DRICH1: variants seen among roughly 807,000 people sequenced by gnomAD.
The protein encoded by DRICH1 is aspartate-rich protein 1.
In DRICH1, 38 loss-of-function variants were observed where a neutral mutation model predicts 39.5. The ratio of observed to expected loss-of-function variants is 0.96; its 90% CI spans 0.74 to 1.26. DRICH1 has a LOEUF of 1.26. Among genes scored for constraint, DRICH1 ranks in the 50% most tolerant of loss-of-function variants. DRICH1 has a pLI of 0.00. For missense variants in DRICH1, 279 were observed against 270.4 expected, an observed-to-expected ratio of 1.03 and a Z score of -0.22; for synonymous variants, 84 against 99.5, an observed-to-expected ratio of 0.84 and a Z score of 0.93.
chr22:23,620,730 A>G, intron 4 of DRICH1, 115 bp from the exon 5 acceptor site: 1 of 1,249,076 alleles, frequency 8.0e-7, no homozygotes, highest in South Asian at 1.2e-5. Flanking sequence ...ACTGTTGTTG[A>G]GTCAAGGTCA....
At chr22:23,606,194 C>T (rs371302787), downstream of DRICH1, among the ~76,000 whole-genome samples, 1 of 152,120 alleles carries the variant, frequency 6.6e-6, no homozygotes, top group Admixed American at 6.5e-5. Context: ...TGTTCCTCCT[C>T]AACCCTCTGG....
At chr22:23,606,580 G>A (rs768532340), downstream of DRICH1, among the ~76,000 whole-genome samples, 23 of 152,314 alleles carry the variant, frequency 1.5e-4, no homozygotes, top group Non-Finnish European at 3.1e-4. Flanking sequence ...CTGACCAGGC[G>A]TGAGTCTCCA....
At chr22:23,595,189 T>A in the DRICH1 span, among the ~76,000 whole-genome samples, 1 of 143,708 alleles carries the variant, frequency 7.0e-6, no homozygotes, top group Non-Finnish European at 1.5e-5. Context: ...TGAAATAGTT[T>A]AATGAGATTG....
chr22:23,626,794 C>T (rs1013760107), intron 1 of DRICH1, among the ~76,000 whole-genome samples: 2 of 151,826 alleles, frequency 1.3e-5, no homozygotes, highest in Non-Finnish European at 2.9e-5. Flanking sequence ...AGGCATTGCT[C>T]ACACTTGCCA....
At chr22:23,622,227 G>A (rs971112773) in intron 3 of DRICH1, 51 bp from the exon 4 acceptor site, 9 of 1,536,964 alleles carry the variant, frequency 5.9e-6, no homozygotes, top group Non-Finnish European at 8.1e-6. Flanking sequence ...GTGACTGTGA[G>A]TCACTCAGGG....
the DRICH1 span, among the ~76,000 whole-genome samples, chr22:23,595,393 G>A: frequency 6.9e-6 from 1 of 145,286 alleles, no homozygotes; most frequent in African/African-American, 2.5e-5. Context: ...AATGTTTGGA[G>A]AATTTTTATT....
chr22:23,606,472 G>A (rs572618435), downstream of DRICH1, among the ~76,000 whole-genome samples: 8 of 152,214 alleles, frequency 5.3e-5, no homozygotes, highest in South Asian at 4.2e-4. Context: ...TCCCATTGGC[G>A]TCGGTTGGGG....
chr22:23,612,815 T>C (rs146903126), intron 11 of DRICH1, among the ~76,000 whole-genome samples: 4 of 152,176 alleles, frequency 2.6e-5, no homozygotes, highest in Admixed American at 1.3e-4. Context: ...GACAGAAACA[T>C]GAATGTGCAC....
chr22:23,604,680 TA>T (rs575139689), downstream of DRICH1, among the ~76,000 whole-genome samples: 42 of 152,200 alleles, frequency 2.8e-4, 1 homozygote, highest in South Asian at 8.5e-3. Context: ...ACTGCAGGGG[TA>T]GGGCATCAGG....
Position 23,618,113 on chromosome 22 carries a change from C to CTTTTTTTT in DRICH1, c.437-464_437-457dup, listed in dbSNP as rs368348650. Among the ~76,000 whole-genome samples the CTTTTTTTT allele has an allele frequency of 1.6e-4, 20 of 127,314 alleles. 1 individual carries two copies. The highest frequency in any genetic ancestry group is 5.4e-4 in the African/African-American group (19 of 35,288). 83.5% of individuals were successfully genotyped at this position (127,314 alleles called of 152,430 possible). A position where few individuals can be genotyped will look rare whatever the true frequency, so the allele number is the denominator to read the frequency against. On this transcript the variant is annotated intron_variant, in intron 6 of 11. Coordinates refer to ENST00000317749, the MANE Select transcript of DRICH1 (RefSeq NM_016449.4). ...TACTCTATTCTATTGATCACACATT[C>CTTTTTTTT]TTTTTTTTTTTTTTTTTTGAGACAG...
chr22:23,618,348 T>TCATGATCCAC (rs1415689184), intron 6 of DRICH1, among the ~76,000 whole-genome samples: 1 of 152,078 alleles, frequency 6.6e-6, no homozygotes, highest in East Asian at 1.9e-4. Flanking sequence ...TCTCCTGATC[T>TCATGATCCAC]CATGATCCAC....
the DRICH1 span, among the ~76,000 whole-genome samples, chr22:23,590,675 T>C: frequency 6.6e-6 from 1 of 152,132 alleles, no homozygotes; most frequent in Non-Finnish European, 1.5e-5. Context: ...CTCAGCTCAT[T>C]GCAACCTCTG....
At chr22:23,620,825 G>A (rs1414754929) in intron 4 of DRICH1, among the ~76,000 whole-genome samples, 2 of 152,178 alleles carry the variant, frequency 1.3e-5, no homozygotes, top group Non-Finnish European at 2.9e-5. Context: ...ATTGGTATTG[G>A]TATCTTTAAG....
rs758055848 is a variant in DRICH1, at chr22:23,613,341, A to C, written c.644-11T>G. On this transcript the variant is annotated splice_polypyrimidine_tract_variant and intron_variant, in intron 10 of 11. Coordinates refer to ENST00000317749, the MANE Select transcript of DRICH1 (RefSeq NM_016449.4). The stretch of plus-strand genomic sequence containing the variant: ...TCTCCAGCGTCAAGTCTTTAGAAAC[A>C]AAAACACCAGAATAAGTCATTAGAG... 22 of 1,609,284 alleles carry C rather than the reference A, an allele frequency of 1.4e-5. No individual in the cohort carries two copies. The highest frequency in any genetic ancestry group is 1.6e-5 in the Non-Finnish European group (19 of 1,175,622).
the DRICH1 span, chr22:23,581,649 G>C: frequency 1.4e-5 from 2 of 147,068 alleles, no homozygotes; most frequent in African/African-American, 5.1e-5. Context: ...TGTGTCGCCA[G>C]GCTGGAGTGC....
At chr22:23,630,161 T>G (rs528755437) in intron 1 of DRICH1, among the ~76,000 whole-genome samples, 1 of 152,276 alleles carries the variant, frequency 6.6e-6, no homozygotes, top group African/African-American at 2.4e-5. Context: ...CCGTGTACCT[T>G]TTGCTACCCA....
the DRICH1 span, among the ~76,000 whole-genome samples, chr22:23,587,212 A>G: frequency 6.6e-6 from 1 of 152,210 alleles, no homozygotes; most frequent in African/African-American, 2.4e-5. Flanking sequence ...TCCAGGGTAC[A>G]TGTGCAATGT....
chr22:23,626,027 C>T lies in DRICH1; in HGVS notation c.230G>A (p.Ser77Asn), dbSNP rs368405433. ...MPTGPPEDRL[S>N]LKFLPSSEED... ...CTCACTTGATGGCAGAAATTTTAAA[C>T]TCAGGCGGTCCTCAGGGGGACCTAA... Residue 77 changes from serine to asparagine, a missense_variant, in exon 2 of 12, where the codon AGT becomes AAT. Ser to Asn is a conservative substitution (Grantham distance 46, BLOSUM62 1). Coordinates refer to ENST00000317749, the MANE Select transcript of DRICH1 (RefSeq NM_016449.4). 2.4e-5 allele frequency: 39 copies of T among 1,613,198 alleles called. No homozygotes were observed. The highest frequency in any genetic ancestry group is 2.4e-5 in the Non-Finnish European group (28 of 1,179,662).
chr22:23,588,658 G>T, the DRICH1 span, among the ~76,000 whole-genome samples: 5 of 152,174 alleles, frequency 3.3e-5, no homozygotes, highest in Admixed American at 3.3e-4. Context: ...ACTCACACAG[G>T]TGCCTGCTCC....
Sources: gnomAD v4.1 joint callset for allele counts (sites outside exome capture counted in the v4.1 genomes callset) on GRCh38, gnomAD v4.1.1 for gene constraint, MANE v1.5 for transcripts, NCBI Gene and HGNC (gene_info 2026-07-23, HGNC 2026-07-21) for gene names.